ADAM12: variants seen among roughly 807,000 people sequenced by gnomAD.
ADAM12 encodes the protein ADAM metallopeptidase domain 12, also known as disintegrin and metalloproteinase domain-containing protein 12.
Under a neutral mutation model 106.4 loss-of-function variants are expected in ADAM12, and 70 were observed. The observed-to-expected ratio is 0.66, with a 90% confidence interval of 0.54 to 0.80. ADAM12 has a LOEUF of 0.80. ADAM12 is among the 30% of genes least tolerant of loss of function. ADAM12 has a pLI of 0.00. For missense variants in ADAM12, 1,010 were observed against 1,171.9 expected (o/e 0.86, Z 2.02); for synonymous variants, 420 against 433.5 (o/e 0.97, Z 0.39).
intron 5 of ADAM12, among the ~76,000 whole-genome samples, chr10:126,123,140 C>T (rs1156488050): frequency 1.3e-5 from 2 of 152,158 alleles, no homozygotes; most frequent in African/African-American, 2.4e-5. Context: ...TTTGGACTGT[C>T]TTGGGTATAA....
intron 6 of ADAM12, among the ~76,000 whole-genome samples, chr10:126,110,599 G>A (rs146161053): frequency 1.3e-5 from 2 of 152,256 alleles, no homozygotes; most frequent in Non-Finnish European, 1.5e-5. Context: ...GAGAGAACAT[G>A]GAAAGTGGAT....
Position 126,064,195 on chromosome 10 carries a change from C to T in ADAM12, c.1609+611G>A, listed in dbSNP as rs185759300. Among the ~76,000 whole-genome samples the T allele has an allele frequency of 2.0e-5, 3 of 152,286 alleles. No individual in the cohort carries two copies. The highest frequency in any genetic ancestry group is 4.4e-5 in the Non-Finnish European group (3 of 68,026). On this transcript the variant is annotated intron_variant, in intron 14 of 22. Coordinates refer to ENST00000448723, the MANE Select transcript of ADAM12 (RefSeq NM_001288973.2). This position sits in a 1 kb window ranked among gnomAD's most constrained non-coding sequence, Gnocchi z 4.4. The stretch of plus-strand genomic sequence containing the variant: ...GGTGAACTGATGGTCTCTTGTTTGA[C>T]GCAACCACCCCACTTTCCCATTTGA...
chr10:126,145,636 T>C (rs919848042), intron 4 of ADAM12: 4 of 152,292 alleles, frequency 2.6e-5, no homozygotes, highest in Non-Finnish European at 5.9e-5. Flanking sequence ...TTATTAACTG[T>C]GGGTGTGGCC....
Position 126,071,584 on chromosome 10 carries a change from C to A in ADAM12, c.1216G>T (p.Gly406Trp). 1 of 1,614,194 alleles carries A rather than the reference C, an allele frequency of 6.2e-7. No homozygotes were observed. Among genetic ancestry groups the A allele is most frequent in the Non-Finnish European group, 8.5e-7 (1 of 1,180,038 alleles). Residue 406 changes from glycine to tryptophan, a missense_variant, in exon 12 of 23, where the codon GGG (glycine) becomes TGG (tryptophan). By Grantham distance (184) the Gly-to-Trp change is radical. Transcript: ENST00000448723. The part of the protein sequence containing the change: ...DLETSLEKGM[G>W]VCLFNLPEVR... ...TCCGGCAGGTTAAACAGGCACACCC[C>A]CATTCCTTTCTCCAGGCTGGTCTCC... is the stretch of plus-strand genomic sequence containing the variant.
intron 3 of ADAM12, among the ~76,000 whole-genome samples, chr10:126,191,938 C>T (rs964165855): frequency 6.6e-6 from 1 of 152,160 alleles, no homozygotes; most frequent in Non-Finnish European, 1.5e-5. Flanking sequence ...GAGGGGGAAG[C>T]AGGCACGTCT....
intron 3 of ADAM12, among the ~76,000 whole-genome samples, chr10:126,240,972 A>G (rs1463193871): frequency 6.6e-6 from 1 of 152,250 alleles, no homozygotes; most frequent in East Asian, 1.9e-4. Flanking sequence ...TGTCATTGAA[A>G]TGTCATTCAG....
At chr10:126,072,779 A>G (rs1360206192) in intron 11 of ADAM12, among the ~76,000 whole-genome samples, 1 of 152,212 alleles carries the variant, frequency 6.6e-6, no homozygotes, top group African/African-American at 2.4e-5. Flanking sequence ...AGAAACCCAG[A>G]AAGTTTTATT....
chr10:126,216,183 T>C (rs1175527008), intron 3 of ADAM12, among the ~76,000 whole-genome samples: 1 of 152,232 alleles, frequency 6.6e-6, no homozygotes, highest in East Asian at 1.9e-4. Context: ...TCTGTAGACA[T>C]GTCTTAGTTG....
intron 1 of ADAM12, among the ~76,000 whole-genome samples, chr10:126,366,203 T>C (rs538245608): frequency 1.3e-5 from 2 of 152,286 alleles, no homozygotes; most frequent in South Asian, 4.1e-4. Context: ...CATAACTGGG[T>C]AGTCATCTGA....
chr10:126,104,474 G>T (rs1955727313), intron 8 of ADAM12, among the ~76,000 whole-genome samples: 1 of 150,198 alleles, frequency 6.7e-6, no homozygotes, highest in South Asian at 2.1e-4. Context: ...AAGAAAGAAA[G>T]AAAGAAAAGA....
intron 3 of ADAM12, among the ~76,000 whole-genome samples, chr10:126,251,451 T>C (rs1375218650): frequency 7.2e-5 from 2 of 27,718 alleles, no homozygotes; most frequent in Admixed American, 5.2e-4. Context: ...ATAGGATAGA[T>C]GGATGGATGG....
At position 126,388,157 on chromosome 10, in the gene ADAM12, T is replaced by C. The variant is rs1856745212; in HGVS notation, c.-12A>G. On this transcript the variant is annotated 5_prime_UTR_variant, in exon 1 of 23. Coordinates refer to ENST00000448723, the MANE Select transcript of ADAM12 (RefSeq NM_001288973.2). The surrounding 1 kb of genome is among the most constrained non-coding windows in gnomAD (Gnocchi z 4.4). ...GGGCGCGCTGCCATCGTCGCCGGCC[T>C]TCAGTGCAGCAGCTCTCGGGCCCGG... The C allele has an allele frequency of 8.3e-7, 1 of 1,209,208 alleles. No homozygotes were observed. Among genetic ancestry groups the C allele is most frequent in the African/African-American group, 1.6e-5 (1 of 63,526 alleles). 74.9% of individuals were successfully genotyped at this position (1,209,208 alleles called of 1,614,324 possible).
chr10:126,179,159 G>T (rs902247579), intron 3 of ADAM12, among the ~76,000 whole-genome samples: 21 of 152,194 alleles, frequency 1.4e-4, no homozygotes, highest in Non-Finnish European at 2.8e-4. Context: ...GAGTGTGTGG[G>T]AATCTCCCAT....
At chr10:126,153,342 T>C (rs546063220) in intron 4 of ADAM12, among the ~76,000 whole-genome samples, 1 of 152,314 alleles carries the variant, frequency 6.6e-6, no homozygotes, top group Admixed American at 6.5e-5. Context: ...TCATCCTTGG[T>C]GTTCTGCATT....
intron 11 of ADAM12, among the ~76,000 whole-genome samples, chr10:126,086,901 T>C (rs1278361): frequency 0.69 from 102,705 of 149,112 alleles, 35,750 homozygotes; most frequent in East Asian, 0.83. Context: ...GGTTTGGTAG[T>C]GTGCACCTGT....
At chr10:126,116,983 G>A (rs1955995691) in intron 6 of ADAM12, among the ~76,000 whole-genome samples, 1 of 152,174 alleles carries the variant, frequency 6.6e-6, no homozygotes, top group Non-Finnish European at 1.5e-5. Context: ...ACAACAACGG[G>A]TTAGGAGAAA....
chr10:126,071,712 C>A (rs1590369615), intron 11 of ADAM12, 58 bp from the exon 12 acceptor site: 1 of 1,586,548 alleles, frequency 6.3e-7, no homozygotes, highest in East Asian at 2.3e-5. Context: ...TTTGTCTGCC[C>A]TTCTTGTGCC....
chr10:126,127,497 G>A (rs918314583), intron 5 of ADAM12, among the ~76,000 whole-genome samples: 24 of 152,208 alleles, frequency 1.6e-4, no homozygotes, highest in Non-Finnish European at 2.9e-4. Flanking sequence ...GGACACAGCC[G>A]TGTTGGGGCA....
At chr10:126,058,047 A>C (rs900186529) in intron 14 of ADAM12, among the ~76,000 whole-genome samples, 13 of 151,946 alleles carry the variant, frequency 8.6e-5, no homozygotes, top group African/African-American at 3.1e-4. Context: ...CTTCCTTGGA[A>C]CTCGATGCCT....
Sources: allele counts gnomAD v4.1 joint callset (sites outside exome capture counted in the v4.1 genomes callset), GRCh38; gene constraint gnomAD v4.1.1; non-coding constraint Gnocchi (gnomAD v3.1); transcripts MANE v1.5; gene names NCBI Gene and HGNC (gene_info 2026-07-23, HGNC 2026-07-21).